Variants in LIMD1 observed in about 807,000 individuals in gnomAD.
LIMD1 encodes the protein LIM domain containing 1.
Under a neutral mutation model 58.4 loss-of-function variants are expected in LIMD1, and 23 were observed. That is an observed-to-expected ratio of 0.39 (90% CI 0.28 to 0.56). The LOEUF (loss-of-function observed/expected upper bound fraction) is 0.56. Among genes scored for constraint, LIMD1 ranks in the 20% least tolerant of loss-of-function variants. The probability of loss-of-function intolerance (pLI) is 0.57; values close to 1 mark genes in which losing one functional copy is unlikely to be tolerated. For missense variants in LIMD1, 838 were observed against 855.5 expected, an observed-to-expected ratio of 0.98 and a Z score of 0.25; for synonymous variants, 334 against 345.5, an observed-to-expected ratio of 0.97 and a Z score of 0.37.
chr3:45,670,581 CTAGTT>C (rs1445008268), intron 4 of LIMD1, among the ~76,000 whole-genome samples: 2 of 152,204 alleles, frequency 1.3e-5, no homozygotes, highest in Non-Finnish European at 2.9e-5. Flanking sequence ...ATTCAGTAGT[CTAGTT>C]CAGACTTCCT....
intron 5 of LIMD1, 82 bp from the exon 6 acceptor site, chr3:45,673,372 C>T: frequency 1.9e-6 from 2 of 1,066,012 alleles, no homozygotes; most frequent in Admixed American, 1.7e-5. Context: ...GAGGAAGGCT[C>T]CATGTGGATT....
At chr3:45,672,960 G>A in intron 5 of LIMD1, 140 bp downstream of exon 5, 1 of 927,674 alleles carries the variant, frequency 1.1e-6, no homozygotes, top group Non-Finnish European at 1.6e-6. Flanking sequence ...GGTTTTGAGG[G>A]GTACAGCAGG....
At chr3:45,673,038 A>G (rs1049195347) in intron 5 of LIMD1, among the ~76,000 whole-genome samples, 3 of 151,914 alleles carry the variant, frequency 2.0e-5, no homozygotes, top group African/African-American at 7.3e-5. Flanking sequence ...TAGTGAAAAA[A>G]AAAAAACAAC....
intron 2 of LIMD1, among the ~76,000 whole-genome samples, chr3:45,650,269 G>T (rs1484958323): frequency 6.6e-6 from 1 of 151,990 alleles, no homozygotes; most frequent in Non-Finnish European, 1.5e-5. Flanking sequence ...GGTGTAATCT[G>T]CTATTAATCC....
chr3:45,651,839 C>T (rs528212560), intron 2 of LIMD1, among the ~76,000 whole-genome samples: 4 of 151,924 alleles, frequency 2.6e-5, no homozygotes, highest in Admixed American at 2.6e-4. Context: ...GCCACGTTGG[C>T]CAGGCTGGTC....
At position 45,595,301 on chromosome 3, in the gene LIMD1, C is replaced by A. The variant is rs761151217; in HGVS notation, c.422C>A (p.Thr141Lys). The change falls in exon 1 of 8, where the codon ACG becomes AAG. Residue 141 changes from threonine (T) to lysine (K), a missense_variant. This residue lies in a region of LIMD1 where 659 missense variants were observed against 639.8 expected (regional missense o/e 1.03). Coordinates refer to ENST00000273317, the MANE Select transcript of LIMD1 (RefSeq NM_014240.3). ...EQRSRPYLHG[T>K]RHGSQDCGSR... ...AGATCCAGGCCATACCTGCATGGCA[C>A]GAGGCATGGCAGCCAGGACTGTGGT... 2 of 1,613,232 alleles carry A rather than the reference C, an allele frequency of 1.2e-6. No individual in the cohort carries two copies. Among genetic ancestry groups the A allele is most frequent in the East Asian group, 4.5e-5 (2 of 44,898 alleles).
Position 45,663,868 on chromosome 3 carries a change from A to ATTT in LIMD1, c.1511-1764_1511-1762dup, listed in dbSNP as rs553757543. Among the ~76,000 whole-genome samples, 125 of 102,848 alleles carry ATTT rather than the reference A, an allele frequency of 1.2e-3. 10 individuals are homozygous for ATTT. The highest frequency in any genetic ancestry group is 5.0e-3 in the African/African-American group (117 of 23,346). 67.5% of individuals were successfully genotyped at this position (102,848 alleles called of 152,430 possible). On this transcript the variant is annotated intron_variant, in intron 2 of 7. Transcript: ENST00000273317. Reference sequence around the variant, plus strand: ...TAGTGCGTGGCACCATGCCTGGCTAATTTTTTTTTTTTTTTTTTTTGAGAC... The same window carrying ATTT: ...TAGTGCGTGGCACCATGCCTGGCTAATTTTTTTTTTTTTTTTTTTTTTTGAGAC...
At chr3:45,631,070 G>A (rs1259810547) in intron 1 of LIMD1, among the ~76,000 whole-genome samples, 11 of 152,106 alleles carry the variant, frequency 7.2e-5, no homozygotes, top group Non-Finnish European at 1.0e-4. Context: ...CAGGCATGGT[G>A]GTGCACAACT....
At position 45,682,128 on chromosome 3, in the gene LIMD1, G is replaced by A. The variant is rs973627245; in HGVS notation, c.*5069G>A. 6.6e-6 allele frequency: 1 copy of A among 152,322 alleles called. No homozygotes were observed. Among genetic ancestry groups the A allele is most frequent in the East Asian group, 1.9e-4 (1 of 5,192 alleles). 9.4% of individuals were successfully genotyped at this position (152,322 alleles called of 1,614,324 possible). A position where few individuals can be genotyped will look rare whatever the true frequency, so the allele number is the denominator to read the frequency against. ...AGGACACGGGAAAGCTGGGAGTGAG[G>A]ATACTCATAGTCATAGCACCTTACA... On this transcript the variant is annotated 3_prime_UTR_variant, in exon 8 of 8. Coordinates refer to ENST00000273317, the MANE Select transcript of LIMD1 (RefSeq NM_014240.3).
Position 45,680,843 on chromosome 3 carries a change from T to G in LIMD1, c.*3784T>G, listed in dbSNP as rs1015032841. ...CTGACCAACATGGTGAAACACTGTC[T>G]CTACTAAAAATACAAAATTAGCTGG... On this transcript the variant is annotated 3_prime_UTR_variant, in exon 8 of 8. Transcript: ENST00000273317. 6.8e-6 allele frequency: 1 copy of G among 146,246 alleles called. No homozygotes were observed. The highest frequency in any genetic ancestry group is 2.5e-5 in the African/African-American group (1 of 40,186). The allele number at this position is 146,246 out of a possible 1,614,324, so 9.1% of individuals were successfully genotyped here. A position where few individuals can be genotyped will look rare whatever the true frequency, so the allele number is the denominator to read the frequency against.
rs59284051 is a variant in LIMD1, at chr3:45,624,881, C to CT, written c.1409-11252dup. On this transcript the variant is annotated intron_variant, in intron 1 of 7. Coordinates refer to ENST00000273317, the MANE Select transcript of LIMD1 (RefSeq NM_014240.3). ...TTGCTAAGGGTGCTCTGCTATCTTCCTTTTTTTTTTTTTTTTTGTAAATGC... is the reference window on the plus strand; with the variant it reads ...TTGCTAAGGGTGCTCTGCTATCTTCCTTTTTTTTTTTTTTTTTTGTAAATGC... 5.1e-3 allele frequency among the ~76,000 whole-genome samples: 705 copies of CT among 138,428 alleles called. 2 individuals are homozygous for CT. The highest frequency in any genetic ancestry group is 0.022 in the Middle Eastern group (6 of 268). 90.8% of individuals were successfully genotyped at this position (138,428 alleles called of 152,430 possible). A position where few individuals can be genotyped will look rare whatever the true frequency, so the allele number is the denominator to read the frequency against.
At chr3:45,637,500 C>T (rs1039881381) in intron 2 of LIMD1, among the ~76,000 whole-genome samples, 2 of 152,122 alleles carry the variant, frequency 1.3e-5, no homozygotes, top group Non-Finnish European at 2.9e-5. Context: ...AGGATTGTCT[C>T]GATCTCTTGA....
chr3:45,662,373 A>T (rs1244007019), intron 2 of LIMD1, among the ~76,000 whole-genome samples: 2 of 152,038 alleles, frequency 1.3e-5, no homozygotes, highest in Non-Finnish European at 2.9e-5. Context: ...ATGCACAGAC[A>T]TTTTTACATT....
intron 2 of LIMD1, among the ~76,000 whole-genome samples, chr3:45,664,471 A>C (rs1218697625): frequency 6.6e-6 from 1 of 152,196 alleles, no homozygotes; most frequent in African/African-American, 2.4e-5. Flanking sequence ...TGTAGCATAT[A>C]CTCAGAGTAT....
intron 1 of LIMD1, among the ~76,000 whole-genome samples, chr3:45,621,168 A>G (rs1413621597): frequency 6.6e-6 from 1 of 152,204 alleles, no homozygotes; most frequent in East Asian, 1.9e-4. Flanking sequence ...CACTAAATGC[A>G]GTGGATTTAG....
At chr3:45,676,479 G>T (rs1283966115) in intron 7 of LIMD1, among the ~76,000 whole-genome samples, 1 of 152,056 alleles carries the variant, frequency 6.6e-6, no homozygotes, top group African/African-American at 2.4e-5. Context: ...ACAGGCCCTG[G>T]TGTGTGTTGT....
At chr3:45,674,281 T>A in intron 6 of LIMD1, 62 bp from the exon 7 acceptor site, 76 of 1,300,350 alleles carry the variant, frequency 5.8e-5, no homozygotes, top group Non-Finnish European at 7.8e-5. Flanking sequence ...CCACGGTACA[T>A]CAAGCCCGAC....
chr3:45,632,614 A>C, intron 1 of LIMD1: 358 of 914,364 alleles, frequency 3.9e-4, no homozygotes, highest in South Asian at 6.5e-4. Context: ...GATTCAACTC[A>C]CACTTGTTTC....
chr3:45,629,807 G>C (rs978218844), intron 1 of LIMD1, among the ~76,000 whole-genome samples: 4 of 152,218 alleles, frequency 2.6e-5, no homozygotes, highest in African/African-American at 9.6e-5. Flanking sequence ...AGTCGGAGGA[G>C]AGCCTGTATG....
Sources: allele counts gnomAD v4.1 joint callset (sites outside exome capture counted in the v4.1 genomes callset), GRCh38; gene constraint gnomAD v4.1.1; regional missense constraint gnomAD v4.1.1; transcripts MANE v1.5; gene names NCBI Gene and HGNC (gene_info 2026-07-23, HGNC 2026-07-21).